The following NFIX variants were observed in gnomAD, a reference collection of about 807,000 sequenced individuals.
NFIX encodes the protein nuclear factor 1 X-type.
In NFIX, 2 loss-of-function variants were observed where a neutral mutation model predicts 53.3. That is an observed-to-expected ratio of 0.04 (90% CI 0.02 to 0.12). The LOEUF (loss-of-function observed/expected upper bound fraction) is 0.12, where lower values mean the gene tolerates loss of function less well. Ranked by LOEUF, NFIX falls within the 10% of genes least tolerant of loss-of-function variation. The pLI is 1.00. For missense variants in NFIX, 310 were observed against 674.5 expected, an observed-to-expected ratio of 0.46 and a Z score of 5.99; for synonymous variants, 244 against 289.0, an observed-to-expected ratio of 0.84 and a Z score of 1.58.
At chr19:13,062,849 T>C (rs1342629364) in intron 2 of NFIX, among the ~76,000 whole-genome samples, 1 of 152,174 alleles carries the variant, frequency 6.6e-6, no homozygotes, top group African/African-American at 2.4e-5. Flanking sequence ...GAGTGCTCTC[T>C]CACAGGGGTA....
Position 13,089,882 on chromosome 19 carries a change from G to A in NFIX, c.1403-417G>A, listed in dbSNP as rs1329313415. ...CCTGAGAGGGGCCAGTGGGAAAGCA[G>A]GGTTATCCACTGAGGGTACCTGGGG... is the stretch of plus-strand genomic sequence containing the variant. On this transcript the variant is annotated intron_variant, in intron 9 of 10. Coordinates refer to ENST00000592199, the MANE Select transcript of NFIX (RefSeq NM_001365902.3). The surrounding 1 kb of genome is among the most constrained non-coding windows in gnomAD (Gnocchi z 4.8). 6.6e-6 allele frequency among the ~76,000 whole-genome samples: 1 copy of A among 152,314 alleles called. No individual in the cohort carries two copies. Among genetic ancestry groups the A allele is most frequent in the South Asian group, 2.1e-4 (1 of 4,828 alleles).
chr19:13,075,518 C>G lies in NFIX; in HGVS notation c.819-17C>G, dbSNP rs763320409. The stretch of plus-strand genomic sequence containing the variant: ...CAGCCCATCCTTGGCCCATGTGACC[C>G]TTTCTTTCTTCCCCAGCACCACCAA... On this transcript the variant is annotated splice_polypyrimidine_tract_variant and intron_variant, in intron 5 of 10. Coordinates refer to ENST00000592199, the MANE Select transcript of NFIX (RefSeq NM_001365902.3). 2 of 1,612,960 alleles carry G rather than the reference C, an allele frequency of 1.2e-6. No homozygotes were observed. Among genetic ancestry groups the G allele is most frequent in the African/African-American group, 1.3e-5 (1 of 75,008 alleles).
chr19:13,039,417 GC>G (rs1568282687), intron 2 of NFIX, among the ~76,000 whole-genome samples: 1 of 152,170 alleles, frequency 6.6e-6, no homozygotes, highest in African/African-American at 2.4e-5. Context: ...GCTTGGCAAG[GC>G]CTCTTGAATT....
chr19:13,075,244 G>A lies in NFIX; in HGVS notation c.819-291G>A, dbSNP rs147233452. On this transcript the variant is annotated intron_variant, in intron 5 of 10. Coordinates refer to ENST00000592199, the MANE Select transcript of NFIX (RefSeq NM_001365902.3). ...AGGAAATCATAGGTGGGATACAGGA[G>A]GCAGCTGAGGGTTTTGCCGACTTCT... Among the ~76,000 whole-genome samples the A allele has an allele frequency of 3.9e-3, 588 of 152,228 alleles. No homozygotes were observed. The highest frequency in any genetic ancestry group is 0.013 in the African/African-American group (522 of 41,524).
intron 1 of NFIX, among the ~76,000 whole-genome samples, chr19:13,004,011 G>A (rs976140682): frequency 1.3e-5 from 2 of 152,124 alleles, no homozygotes; most frequent in African/African-American, 4.8e-5. Context: ...CTGGGCTCAG[G>A]TGATCCTCCC....
chr19:13,061,763 C>T (rs1447422658), intron 2 of NFIX, among the ~76,000 whole-genome samples: 1 of 152,112 alleles, frequency 6.6e-6, no homozygotes, highest in Non-Finnish European at 1.5e-5. Flanking sequence ...AAGCTTGGTA[C>T]TTTATAGTAT....
At chr19:13,039,901 G>A (rs2014498371) in intron 2 of NFIX, among the ~76,000 whole-genome samples, 1 of 152,072 alleles carries the variant, frequency 6.6e-6, no homozygotes, top group South Asian at 2.1e-4. Flanking sequence ...ATGATGTAAA[G>A]GCTCACGATG....
rs1417959071 is a variant in NFIX at position 13,001,011 on chromosome 19, T to A, written c.27+5147T>A. Among the ~76,000 whole-genome samples the A allele has an allele frequency of 6.6e-6, 1 of 152,192 alleles. No homozygotes were observed. The highest frequency in any genetic ancestry group is 1.9e-4 in the East Asian group (1 of 5,192). On this transcript the variant is annotated intron_variant, in intron 1 of 10. Transcript: ENST00000592199. The surrounding 1 kb of genome is among the most constrained non-coding windows in gnomAD (Gnocchi z 6.5). ...CCCCATGAAGCTGGAATCTGGGGAC[T>A]TGCTGGACCAGAGAGGTAGGGGAGG...
In NFIX at chr19:13,012,964, C is replaced by T. The variant is rs1297314076; in HGVS notation, c.28-12057C>T. The stretch of plus-strand genomic sequence containing the variant: ...GTTGGCTGGGTTTGGGGGATTTTGT[C>T]CTCCAGCGAGCGCGGGGAAGAAATG... On this transcript the variant is annotated intron_variant, in intron 1 of 10. Transcript: ENST00000592199. The surrounding 1 kb of genome is among the most constrained non-coding windows in gnomAD (Gnocchi z 5.0). Among the ~76,000 whole-genome samples the T allele has an allele frequency of 2.0e-5, 3 of 151,966 alleles. No individual in the cohort carries two copies. The highest frequency in any genetic ancestry group is 3.9e-4 in the East Asian group (2 of 5,188).
At chr19:13,000,618 T>C (rs562925420) in intron 1 of NFIX, among the ~76,000 whole-genome samples, 6 of 152,072 alleles carry the variant, frequency 3.9e-5, no homozygotes, top group Admixed American at 1.3e-4. Flanking sequence ...GATACCCTGG[T>C]TGGGGGCCCT....
At chr19:13,058,662 A>G (rs1260611737) in intron 2 of NFIX, among the ~76,000 whole-genome samples, 1 of 151,862 alleles carries the variant, frequency 6.6e-6, no homozygotes, top group Non-Finnish European at 1.5e-5. Flanking sequence ...ACTGCATTCC[A>G]GCCTGGGTGA....
At chr19:13,020,628 T>C (rs2012915748) in intron 1 of NFIX, among the ~76,000 whole-genome samples, 1 of 152,190 alleles carries the variant, frequency 6.6e-6, no homozygotes, top group Non-Finnish European at 1.5e-5. Context: ...CCTCCAACTT[T>C]CTGCCCTGGG....
At position 13,051,889 on chromosome 19, in the gene NFIX, C is replaced by T. The variant is rs963225159; in HGVS notation, c.560-21158C>T. On this transcript the variant is annotated intron_variant, in intron 2 of 10. Transcript: ENST00000592199. The surrounding 1 kb of genome is among the most constrained non-coding windows in gnomAD (Gnocchi z 5.1). ...GCTCCCGGGAGCAGCCGGGCGGCTG[C>T]GGGAAGGCACTTCTTAGGCGCCGCC... Among the ~76,000 whole-genome samples the T allele has an allele frequency of 2.0e-5, 3 of 152,196 alleles. No homozygotes were observed. Among genetic ancestry groups the T allele is most frequent in the African/African-American group, 4.8e-5 (2 of 41,460 alleles).
intron 2 of NFIX, among the ~76,000 whole-genome samples, chr19:13,032,441 A>G (rs79115867): frequency 0.016 from 2,479 of 152,354 alleles, 85 homozygotes; most frequent in African/African-American, 0.058. Context: ...TGTCTGGCAC[A>G]TGACATTCCC....
chr19:13,061,319 CG>C (rs1224048268), intron 2 of NFIX, among the ~76,000 whole-genome samples: 3 of 152,224 alleles, frequency 2.0e-5, no homozygotes, highest in Non-Finnish European at 4.4e-5. Context: ...CCTCATATCA[CG>C]GGATGTGTTT....
rs556856036 is a variant in NFIX at position 13,085,027 on chromosome 19, G to A, written c.1255-2962G>A. Among the ~76,000 whole-genome samples the A allele has an allele frequency of 3.0e-3, 434 of 143,490 alleles. 6 individuals carry two copies. Among genetic ancestry groups the A allele is most frequent in the African/African-American group, 0.011 (405 of 37,874 alleles). The allele number at this position is 143,490 out of a possible 152,430, so 94.1% of individuals were successfully genotyped here. On this transcript the variant is annotated intron_variant, in intron 8 of 10. Coordinates refer to ENST00000592199, the MANE Select transcript of NFIX (RefSeq NM_001365902.3). ...GGAGGTTGCAGTGAGCCGAGATTGC[G>A]CCACTGCACTCCAGCCTGGGCGACA... is the stretch of plus-strand genomic sequence containing the variant.
At chr19:13,055,869 C>T (rs921780307) in intron 2 of NFIX, among the ~76,000 whole-genome samples, 4 of 152,166 alleles carry the variant, frequency 2.6e-5, no homozygotes, top group Admixed American at 1.3e-4. Context: ...CATCTCACCT[C>T]GCGCCTCCCT....
rs1377622498 is a variant in NFIX at position 13,081,622 on chromosome 19, T to A, written c.1079-58T>A. ...GGCAGCTCCCCTCCTCTCCTGTCCC[T>A]CCCACTGGCTGCCTCCTTGGCCCTG... On this transcript the variant is annotated intron_variant, in intron 7 of 10. Transcript: ENST00000592199. The surrounding 1 kb of genome is among the most constrained non-coding windows in gnomAD (Gnocchi z 4.7). 2 of 1,565,852 alleles carry A rather than the reference T, an allele frequency of 1.3e-6. No individual in the cohort carries two copies. Among genetic ancestry groups the A allele is most frequent in the East Asian group, 4.5e-5 (2 of 44,046 alleles).
rs1411538725 is a variant in NFIX at position 13,025,006 on chromosome 19, G to A, written c.28-15G>A. 1 of 1,578,126 alleles carries A rather than the reference G, an allele frequency of 6.3e-7. No homozygotes were observed. The highest frequency in any genetic ancestry group is 8.6e-7 in the Non-Finnish European group (1 of 1,162,954). On this transcript the variant is annotated splice_polypyrimidine_tract_variant and intron_variant, in intron 1 of 10. Transcript: ENST00000592199. This position sits in a 1 kb window ranked among gnomAD's most constrained non-coding sequence, Gnocchi z 7.5. ...TCCTCCCTCGCCCCGCATGCTCCCG[G>A]CTTGCCGCCTGCAGGATGAGTTCCA... is the stretch of plus-strand genomic sequence containing the variant.
Sources: gnomAD v4.1 joint callset for allele counts (sites outside exome capture counted in the v4.1 genomes callset) on GRCh38, gnomAD v4.1.1 for gene constraint, Gnocchi (gnomAD v3.1) non-coding constraint, MANE v1.5 for transcripts, NCBI Gene and HGNC (gene_info 2026-07-23, HGNC 2026-07-21) for gene names.